The following DIP2C variants were observed in gnomAD, a reference collection of about 807,000 sequenced individuals.
DIP2C encodes DIP2 acetate--CoA ligase C (putative).
Under a neutral mutation model 192.4 loss-of-function variants are expected in DIP2C, and 33 were observed. The ratio of observed to expected loss-of-function variants is 0.17; its 90% CI spans 0.13 to 0.23. DIP2C has a LOEUF of 0.23. Among genes scored for constraint, DIP2C ranks in the 10% least tolerant of loss-of-function variants. The pLI, the probability that DIP2C is intolerant of heterozygous loss-of-function variation, is 1.00. For synonymous variants in DIP2C, 979 were observed against 864.1 expected (o/e 1.13, Z -2.33); for missense variants, 1,537 against 2,110.1 (o/e 0.73, Z 5.32).
At chr10:353,834 A>G (rs937546064) in intron 24 of DIP2C, among the ~76,000 whole-genome samples, 1 of 152,214 alleles carries the variant, frequency 6.6e-6, no homozygotes, top group Non-Finnish European at 1.5e-5. Context: ...TCATCACTGG[A>G]ACGAATTTCA....
At chr10:373,663 TG>T (rs1411474514) in intron 17 of DIP2C, among the ~76,000 whole-genome samples, 6 of 152,152 alleles carry the variant, frequency 3.9e-5, no homozygotes, top group Admixed American at 2.0e-4. Context: ...CCTCGTGGCT[TG>T]GATAGAATCC....
rs367925563 is a variant in DIP2C at position 573,042 on chromosome 10, CGAAT to C, written c.86-86516_86-86513del. ...TTCAGCAAATAGCATCATCCACCCA[CGAAT>C]GAGAGGTACCATTTTCATTCTCGGA... On this transcript the variant is annotated intron_variant, in intron 1 of 36. Coordinates refer to ENST00000280886, the MANE Select transcript of DIP2C (RefSeq NM_014974.3). Among the ~76,000 whole-genome samples, 513 of 151,902 alleles carry C rather than the reference CGAAT, an allele frequency of 3.4e-3. 3 individuals carry two copies. Among genetic ancestry groups the C allele is most frequent in the African/African-American group, 0.012 (489 of 41,400 alleles).
At chr10:342,965 G>A (rs2132572846) in intron 28 of DIP2C, among the ~76,000 whole-genome samples, 1 of 152,328 alleles carries the variant, frequency 6.6e-6, no homozygotes, top group East Asian at 1.9e-4. Flanking sequence ...AGTCAAAGCA[G>A]CATACAAAAT....
At chr10:556,911 C>T (rs1049629047) in intron 1 of DIP2C, among the ~76,000 whole-genome samples, 6 of 149,256 alleles carry the variant, frequency 4.0e-5, no homozygotes, top group East Asian at 1.9e-4. Context: ...GCCCATCAAA[C>T]CTACATGCAC....
rs186751695 is a variant in DIP2C, at chr10:327,397, G to A, written c.3754-221C>T. Among the ~76,000 whole-genome samples the A allele has an allele frequency of 2.7e-3, 415 of 152,286 alleles. 1 individual carries two copies. The highest frequency in any genetic ancestry group is 9.7e-3 in the African/African-American group (401 of 41,554). ...TGATTAAGAATGGAATTACAAACAC[G>A]TCTCAAACAACCACCTGGAGCCACA... On this transcript the variant is annotated intron_variant, in intron 30 of 36. Coordinates refer to ENST00000280886, the MANE Select transcript of DIP2C (RefSeq NM_014974.3).
chr10:654,811 C>T (rs970223226), intron 1 of DIP2C, among the ~76,000 whole-genome samples: 4 of 152,154 alleles, frequency 2.6e-5, no homozygotes, highest in Non-Finnish European at 5.9e-5. Flanking sequence ...CCATGCTGCG[C>T]GAGGCTACTA....
intron 1 of DIP2C, among the ~76,000 whole-genome samples, chr10:538,323 G>C (rs530119058): frequency 3.2e-4 from 48 of 151,586 alleles, no homozygotes; most frequent in Non-Finnish European, 5.4e-4. Context: ...CACTCGGCTA[G>C]TTCTTTTTTG....
intron 7 of DIP2C, 150 bp from the exon 8 acceptor site, chr10:414,260 T>C (rs1965388942): frequency 1.0e-6 from 1 of 980,204 alleles, no homozygotes; most frequent in Non-Finnish European, 1.5e-6. Flanking sequence ...AATTGGGGTC[T>C]ATACACTAGC....
chr10:591,838 TCAGACGTCCCA>T (rs1408203357), intron 1 of DIP2C, among the ~76,000 whole-genome samples: 2 of 151,838 alleles, frequency 1.3e-5, no homozygotes, highest in Non-Finnish European at 2.9e-5. Flanking sequence ...GGACCTCTCC[TCAGACGTCCCA>T]CAGTGCAGGC....
intron 1 of DIP2C, among the ~76,000 whole-genome samples, chr10:688,442 G>A (rs1331063259): frequency 6.6e-6 from 1 of 152,148 alleles, no homozygotes; most frequent in Non-Finnish European, 1.5e-5. Context: ...GCTCCTCCCT[G>A]CCGGTGAAAA....
At chr10:442,005 G>A (rs1967778666) in intron 3 of DIP2C, among the ~76,000 whole-genome samples, 1 of 150,332 alleles carries the variant, frequency 6.7e-6, no homozygotes, top group South Asian at 2.1e-4. Flanking sequence ...TGAAGCCAGG[G>A]AAGAACCCTC....
intron 1 of DIP2C, among the ~76,000 whole-genome samples, chr10:539,932 A>G (rs75508521): frequency 0.029 from 4,474 of 152,294 alleles, 215 homozygotes; most frequent in African/African-American, 0.1. Context: ...CTAAATATGA[A>G]AATGTTTGAC....
At chr10:649,860 C>A in intron 1 of DIP2C, 3 of 525,858 alleles carry the variant, frequency 5.7e-6, no homozygotes, top group South Asian at 4.9e-5. Flanking sequence ...GAGAAGCATG[C>A]CTTATTATCA....
intron 4 of DIP2C, among the ~76,000 whole-genome samples, chr10:425,999 G>C (rs1966575472): frequency 6.6e-6 from 1 of 152,132 alleles, no homozygotes; most frequent in South Asian, 2.1e-4. Flanking sequence ...GACATTATCT[G>C]GCAGGTTCTA....
At chr10:349,592 A>G in intron 24 of DIP2C, 138 bp from the exon 25 acceptor site, 1 of 1,170,292 alleles carries the variant, frequency 8.5e-7, no homozygotes, top group Non-Finnish European at 1.2e-6. Flanking sequence ...CTGTGCAACC[A>G]ACATGACAGT....
At chr10:680,928 G>T (rs547163828) in intron 1 of DIP2C, among the ~76,000 whole-genome samples, 1 of 148,650 alleles carries the variant, frequency 6.7e-6, no homozygotes, top group Admixed American at 6.7e-5. Flanking sequence ...TGCAGCCACC[G>T]CCTGTGGCCA....
chr10:545,172 T>C (rs1214007960), intron 1 of DIP2C, among the ~76,000 whole-genome samples: 2 of 140,408 alleles, frequency 1.4e-5, no homozygotes, highest in African/African-American at 5.5e-5. Flanking sequence ...TTCCCTTTTT[T>C]TTTTTTTTTT....
At chr10:432,884 T>C (rs1396441723) in intron 4 of DIP2C, among the ~76,000 whole-genome samples, 1 of 152,252 alleles carries the variant, frequency 6.6e-6, no homozygotes, top group African/African-American at 2.4e-5. Flanking sequence ...TTCAGATTTC[T>C]TCCTTGAGCA....
Position 455,161 on chromosome 10 carries a change from C to T in DIP2C, c.269-14165G>A, listed in dbSNP as rs894691919. ...CGTAGGTTCGGGAGCCAGGCCGCACCGGTTCAAACCCCAGCTCCTCTGTGA... is the reference window on the plus strand; with the variant it reads ...CGTAGGTTCGGGAGCCAGGCCGCACTGGTTCAAACCCCAGCTCCTCTGTGA... On this transcript the variant is annotated intron_variant, in intron 3 of 36. Coordinates refer to ENST00000280886, the MANE Select transcript of DIP2C (RefSeq NM_014974.3). Among the ~76,000 whole-genome samples the T allele has an allele frequency of 2.0e-5, 3 of 152,214 alleles. No homozygotes were observed. The South Asian group carries it at 6.2e-4, about 32-fold the overall frequency.
Sources: gnomAD v4.1 joint callset for allele counts (sites outside exome capture counted in the v4.1 genomes callset) on GRCh38, gnomAD v4.1.1 for gene constraint, MANE v1.5 for transcripts, NCBI Gene and HGNC (gene_info 2026-07-23, HGNC 2026-07-21) for gene names.